Variants in OSBPL3 observed in about 807,000 individuals in gnomAD.
The protein encoded by OSBPL3 is oxysterol binding protein like 3, also known as oxysterol-binding protein-related protein 3.
A neutral mutation model predicts 120.1 loss-of-function variants in OSBPL3; 65 were observed. The ratio of observed to expected loss-of-function variants is 0.54; its 90% CI spans 0.44 to 0.67. The LOEUF (loss-of-function observed/expected upper bound fraction) is 0.67, where lower values mean the gene tolerates loss of function less well. Ranked by LOEUF, OSBPL3 falls within the 30% of genes least tolerant of loss-of-function variation. The pLI is 0.00. For synonymous variants in OSBPL3, 416 were observed against 402.6 expected (o/e 1.03, Z -0.40); for missense variants, 1,004 against 1,082.1 (o/e 0.93, Z 1.01).
chr7:24,960,823 C>T (rs112803494), intron 1 of OSBPL3, among the ~76,000 whole-genome samples: 6 of 152,226 alleles, frequency 3.9e-5, no homozygotes, highest in Admixed American at 2.6e-4. Flanking sequence ...TGGTTTTGCA[C>T]AGAAGTATCA....
At chr7:24,977,700 CA>C (rs1174197851) in intron 1 of OSBPL3, among the ~76,000 whole-genome samples, 3 of 152,080 alleles carry the variant, frequency 2.0e-5, no homozygotes, top group Non-Finnish European at 4.4e-5. Flanking sequence ...ACTAAAAATA[CA>C]AAAAATTAGC....
At chr7:24,800,552 G>A (rs1792191184) in intron 22 of OSBPL3, among the ~76,000 whole-genome samples, 1 of 150,544 alleles carries the variant, frequency 6.6e-6, no homozygotes, top group Non-Finnish European at 1.5e-5. Flanking sequence ...TGCTTCCCAG[G>A]TTCAATCGAT....
Position 24,803,643 on chromosome 7 carries a change from C to T in OSBPL3, c.2567+672G>A, listed in dbSNP as rs1275565273. On this transcript the variant is annotated intron_variant, in intron 22 of 22. Transcript: ENST00000313367. The surrounding 1 kb of genome is among the most constrained non-coding windows in gnomAD (Gnocchi z 4.2). ...AAAATTAGCCGGGCATGGTGGCACG[C>T]GCCTGTAGTCCCAGCTACTTAGGAG... is the stretch of plus-strand genomic sequence containing the variant. Among the ~76,000 whole-genome samples the T allele has an allele frequency of 9.2e-5, 14 of 151,964 alleles. No homozygotes were observed. Among genetic ancestry groups the T allele is most frequent in the East Asian group, 1.9e-4 (1 of 5,178 alleles).
chr7:24,934,090 T>C (rs746890244), intron 1 of OSBPL3, among the ~76,000 whole-genome samples: 12 of 152,198 alleles, frequency 7.9e-5, no homozygotes, highest in Non-Finnish European at 1.3e-4. Context: ...TAAGGTCATA[T>C]TGGAGCAGTC....
In OSBPL3 at chr7:24,939,481, G is replaced by A. The variant is rs1368963156; in HGVS notation, c.-150+40405C>T. Among the ~76,000 whole-genome samples the A allele has an allele frequency of 6.6e-6, 1 of 152,170 alleles. No individual in the cohort carries two copies. The highest frequency in any genetic ancestry group is 1.5e-5 in the Non-Finnish European group (1 of 68,036). On this transcript the variant is annotated intron_variant, in intron 1 of 22. Coordinates refer to ENST00000313367, the MANE Select transcript of OSBPL3 (RefSeq NM_015550.4). This position sits in a 1 kb window ranked among gnomAD's most constrained non-coding sequence, Gnocchi z 4.2. Reference sequence around the variant, plus strand: ...TGCATCTGAAACAATCCTGGCCAATGGAACTCTAGGGAAAGTTTGGGAAAC... The same window carrying A: ...TGCATCTGAAACAATCCTGGCCAATAGAACTCTAGGGAAAGTTTGGGAAAC...
chr7:24,925,183 T>C (rs1012739551), intron 1 of OSBPL3, among the ~76,000 whole-genome samples: 2 of 152,178 alleles, frequency 1.3e-5, no homozygotes, highest in African/African-American at 4.8e-5. Flanking sequence ...ATTATCCTGG[T>C]AGACTGTTTA....
intron 1 of OSBPL3, among the ~76,000 whole-genome samples, chr7:24,973,931 G>T (rs1161577866): frequency 6.6e-6 from 1 of 152,152 alleles, no homozygotes; most frequent in African/African-American, 2.4e-5. Context: ...AGGAGCCATA[G>T]ATGTAATTTT....
In OSBPL3 at chr7:24,873,618, G is replaced by A. The variant is rs1802465158; in HGVS notation, c.97-1549C>T. Among the ~76,000 whole-genome samples, 5 of 151,944 alleles carry A rather than the reference G, an allele frequency of 3.3e-5. 1 individual carries two copies. Among genetic ancestry groups the A allele is most frequent in the Admixed American group, 3.3e-4 (5 of 15,258 alleles). On this transcript the variant is annotated intron_variant, in intron 2 of 22. Coordinates refer to ENST00000313367, the MANE Select transcript of OSBPL3 (RefSeq NM_015550.4). This position sits in a 1 kb window ranked among gnomAD's most constrained non-coding sequence, Gnocchi z 4.1. ...TTTTTTTTTTAAGGAAGGTAGCAAT[G>A]TTGAATGAGATTTCTTCATAACAAA...
At chr7:24,975,213 A>G (rs1817449222) in intron 1 of OSBPL3, among the ~76,000 whole-genome samples, 2 of 152,212 alleles carry the variant, frequency 1.3e-5, no homozygotes, top group Admixed American at 6.5e-5. Context: ...TAGGCAAAAT[A>G]TTTATTCTAC....
At chr7:24,921,342 C>A (rs1434211576) in intron 1 of OSBPL3, among the ~76,000 whole-genome samples, 1 of 152,208 alleles carries the variant, frequency 6.6e-6, no homozygotes, top group South Asian at 2.1e-4. Context: ...AAAGCCTGAA[C>A]TGCATTGTCT....
rs1033183293 is a variant in OSBPL3 at position 24,947,428 on chromosome 7, G to A, written c.-150+32458C>T. On this transcript the variant is annotated intron_variant, in intron 1 of 22. Transcript: ENST00000313367. This position sits in a 1 kb window ranked among gnomAD's most constrained non-coding sequence, Gnocchi z 4.4. ...GCCTGGCTTTACCCAGGCACCAGAA[G>A]CCTCCAGAGCATCACTCCTGACTGC... 6.6e-6 allele frequency among the ~76,000 whole-genome samples: 1 copy of A among 152,148 alleles called. No homozygotes were observed. Among genetic ancestry groups the A allele is most frequent in the African/African-American group, 2.4e-5 (1 of 41,426 alleles).
At chr7:24,857,041 T>G (rs1457853822) in intron 10 of OSBPL3, among the ~76,000 whole-genome samples, 1 of 152,234 alleles carries the variant, frequency 6.6e-6, no homozygotes, top group Non-Finnish European at 1.5e-5. Context: ...TTCAGTCATA[T>G]ATCTCTTTTA....
At chr7:24,858,922 A>C (rs1169474017) in intron 10 of OSBPL3, among the ~76,000 whole-genome samples, 5 of 152,222 alleles carry the variant, frequency 3.3e-5, no homozygotes, top group Non-Finnish European at 5.9e-5. Flanking sequence ...ATTATTAAAA[A>C]GTAACAATGT....
chr7:24,834,656 T>C lies in OSBPL3; in HGVS notation c.1576A>G (p.Ile526Val), dbSNP rs759642623. Residue 526 changes from isoleucine to valine, a missense_variant, in exon 15 of 23, where the codon ATC (isoleucine) becomes GTC (valine). By Grantham distance (29) the Ile-to-Val change is conservative. Coordinates refer to ENST00000313367, the MANE Select transcript of OSBPL3 (RefSeq NM_015550.4). This position sits in a 1 kb window ranked among gnomAD's most constrained non-coding sequence, Gnocchi z 5.2. ...TTCCTCAGGATGTTCCACAGGCTGA[T>C]GTTACTGCTGCTCGGGCAGGGCGCC... ...LPAPCPSSSN[I>V]SLWNILRNNI... The C allele has an allele frequency of 3.1e-6, 5 of 1,614,062 alleles. No homozygotes were observed. Among genetic ancestry groups the C allele is most frequent in the Non-Finnish European group, 4.2e-6 (5 of 1,179,996 alleles).
chr7:24,838,911 C>A (rs1009920701), intron 14 of OSBPL3, among the ~76,000 whole-genome samples: 8 of 152,212 alleles, frequency 5.3e-5, no homozygotes, highest in Non-Finnish European at 1.5e-5. Context: ...TTAGACCTTT[C>A]CACTAAGGGG....
rs1161206874 is a variant in OSBPL3 at position 24,806,345 on chromosome 7, CTG to C, written c.2444+429_2444+430del. Among the ~76,000 whole-genome samples the C allele has an allele frequency of 2.0e-5, 3 of 152,144 alleles. No individual in the cohort carries two copies. Among genetic ancestry groups the C allele is most frequent in the African/African-American group, 4.8e-5 (2 of 41,412 alleles). ...TATTTCCATTTTACAGAGTAGGAAACTGAGGCCAGGAAAGATGAAAAGACCTA... is the reference window on the plus strand; with the variant it reads ...TATTTCCATTTTACAGAGTAGGAAACAGGCCAGGAAAGATGAAAAGACCTA... On this transcript the variant is annotated intron_variant, in intron 21 of 22. Coordinates refer to ENST00000313367, the MANE Select transcript of OSBPL3 (RefSeq NM_015550.4). This position sits in a 1 kb window ranked among gnomAD's most constrained non-coding sequence, Gnocchi z 5.2.
rs1039197321 is a variant in OSBPL3 at position 24,938,514 on chromosome 7, C to A, written c.-150+41372G>T. On this transcript the variant is annotated intron_variant, in intron 1 of 22. Transcript: ENST00000313367. This position sits in a 1 kb window ranked among gnomAD's most constrained non-coding sequence, Gnocchi z 5.8. Reference sequence around the variant, plus strand: ...TTATAATGACCAAAGATCCTTCTATCCCAGCTTCAATTTTCAAGGTCTCCT... The same window carrying A: ...TTATAATGACCAAAGATCCTTCTATACCAGCTTCAATTTTCAAGGTCTCCT... Among the ~76,000 whole-genome samples the A allele has an allele frequency of 4.6e-5, 7 of 152,140 alleles. No homozygotes were observed. Among genetic ancestry groups the A allele is most frequent in the Admixed American group, 3.3e-4 (5 of 15,270 alleles).
At position 24,976,167 on chromosome 7, in the gene OSBPL3, T is replaced by C. The variant is rs534240156; in HGVS notation, c.-150+3719A>G. On this transcript the variant is annotated intron_variant, in intron 1 of 22. Coordinates refer to ENST00000313367, the MANE Select transcript of OSBPL3 (RefSeq NM_015550.4). The stretch of plus-strand genomic sequence containing the variant: ...TAGCCTCATCTGGAGACTGGAGATA[T>C]AATAACAATGCCTGCTTTGATATTG... Among the ~76,000 whole-genome samples the C allele has an allele frequency of 2.0e-5, 3 of 152,338 alleles. No homozygotes were observed. In the East Asian group the frequency reaches 5.8e-4, roughly 29 times the overall value.
At position 24,877,763 on chromosome 7, in the gene OSBPL3, G is replaced by A. The variant is rs1183688619; in HGVS notation, c.97-5694C>T. The stretch of plus-strand genomic sequence containing the variant: ...TGGCTAAAGGAACCAGGACTTAGGA[G>A]TATCTCCTGGTGACCCCAAGAGTAG... On this transcript the variant is annotated intron_variant, in intron 2 of 22. Transcript: ENST00000313367. The surrounding 1 kb of genome is among the most constrained non-coding windows in gnomAD (Gnocchi z 4.8). Among the ~76,000 whole-genome samples the A allele has an allele frequency of 6.6e-6, 1 of 152,152 alleles. No homozygotes were observed. The highest frequency in any genetic ancestry group is 1.5e-5 in the Non-Finnish European group (1 of 68,038).
Sources: gnomAD v4.1 joint callset for allele counts (sites outside exome capture counted in the v4.1 genomes callset) on GRCh38, gnomAD v4.1.1 for gene constraint, Gnocchi (gnomAD v3.1) non-coding constraint, MANE v1.5 for transcripts, NCBI Gene and HGNC (gene_info 2026-07-23, HGNC 2026-07-21) for gene names.